Variants in DNAJC7 observed in about 807,000 individuals in gnomAD.
DNAJC7 encodes dnaJ homolog subfamily C member 7.
In DNAJC7, 18 loss-of-function variants were observed where a neutral mutation model predicts 67.4. The ratio of observed to expected loss-of-function variants is 0.27; its 90% CI spans 0.18 to 0.40. DNAJC7 has a LOEUF of 0.40. Ranked by LOEUF, DNAJC7 falls within the 10% of genes least tolerant of loss-of-function variation. The pLI, the probability that DNAJC7 is intolerant of heterozygous loss-of-function variation, is 1.00. For missense variants in DNAJC7, 419 were observed against 613.8 expected, an observed-to-expected ratio of 0.68 and a Z score of 3.35; for synonymous variants, 220 against 207.8, an observed-to-expected ratio of 1.06 and a Z score of -0.50.
chr17:41,995,236 C>T (rs1376128847), intron 4 of DNAJC7, among the ~76,000 whole-genome samples: 2 of 152,178 alleles, frequency 1.3e-5, no homozygotes, highest in African/African-American at 2.4e-5. Flanking sequence ...ATCAGAACCA[C>T]AGACATTTCA....
intron 1 of DNAJC7, 46 bp downstream of exon 1, chr17:42,017,294 C>T (rs782687357): frequency 1.9e-5 from 30 of 1,608,884 alleles, no homozygotes; most frequent in Middle Eastern, 1.6e-4. Flanking sequence ...TTCCCTGAGC[C>T]ACGGAGCTGC....
intron 5 of DNAJC7, among the ~76,000 whole-genome samples, chr17:41,994,445 C>T (rs1260036316): frequency 4.2e-5 from 6 of 141,644 alleles, no homozygotes; most frequent in Admixed American, 7.5e-5. Context: ...GCAGGATAAT[C>T]GTTTGAACCC....
chr17:41,996,536 TC>T, intron 3 of DNAJC7, 112 bp from the exon 4 acceptor site: 1 of 853,060 alleles, frequency 1.2e-6, no homozygotes, highest in South Asian at 1.7e-5. Flanking sequence ...GCGCGGTGAC[TC>T]ACACCTGTAA....
intron 9 of DNAJC7, chr17:41,985,676 G>A (rs2051356382): frequency 6.6e-6 from 1 of 152,232 alleles, no homozygotes; most frequent in African/African-American, 2.4e-5. Flanking sequence ...GGCATGTGTA[G>A]CAAAGATGTG....
chr17:41,991,682 G>T (rs1482304457), intron 5 of DNAJC7, among the ~76,000 whole-genome samples: 2 of 152,098 alleles, frequency 1.3e-5, no homozygotes, highest in African/African-American at 2.4e-5. Context: ...TCTAACTTTT[G>T]TTTGTTTTGT....
chr17:42,006,320 ATT>A (rs568818722), intron 1 of DNAJC7, among the ~76,000 whole-genome samples: 2 of 144,284 alleles, frequency 1.4e-5, no homozygotes, highest in Non-Finnish European at 1.5e-5. Flanking sequence ...CGCCTGGCCA[ATT>A]TTTTTTTTTT....
chr17:41,985,355 GAAGT>G lies in DNAJC7; in HGVS notation c.1011-1723_1011-1720del, dbSNP rs1391567683. ...TGTACAGAATAAAATGTAATAATTT[GAAGT>G]AAGAGAAATGATACTTTGATACTGC... On this transcript the variant is annotated intron_variant, in intron 9 of 13. Coordinates refer to ENST00000457167, the MANE Select transcript of DNAJC7 (RefSeq NM_003315.4). 8 of 151,334 alleles carry G rather than the reference GAAGT, an allele frequency of 5.3e-5. No homozygotes were observed. The East Asian group carries it at 1.6e-3, about 29-fold the overall frequency. The allele number at this position is 151,334 out of a possible 1,614,324, so 9.4% of individuals were successfully genotyped here. A position where few individuals can be genotyped will look rare whatever the true frequency, so the allele number is the denominator to read the frequency against.
At chr17:41,977,164 G>T in intron 13 of DNAJC7, 97 bp downstream of exon 13, 1 of 1,248,326 alleles carries the variant, frequency 8.0e-7, no homozygotes, top group Non-Finnish European at 1.1e-6. Flanking sequence ...AGCTGCCCCC[G>T]CTCATGGGCC....
intron 12 of DNAJC7, among the ~76,000 whole-genome samples, chr17:41,981,236 G>A (rs1045049664): frequency 1.3e-5 from 2 of 150,842 alleles, no homozygotes; most frequent in South Asian, 2.1e-4. Context: ...TTGCTCTGTC[G>A]CCCAGGATGG....
chr17:42,014,139 T>G (rs1367698902), intron 1 of DNAJC7: 1 of 151,892 alleles, frequency 6.6e-6, no homozygotes, highest in Non-Finnish European at 1.5e-5. Flanking sequence ...GGCAAAAAGT[T>G]AAACTGATTT....
chr17:42,005,187 G>A (rs2051914440), intron 1 of DNAJC7, among the ~76,000 whole-genome samples: 1 of 152,182 alleles, frequency 6.6e-6, no homozygotes, highest in Admixed American at 6.5e-5. Context: ...AACAAACACT[G>A]CTAAGGGAAT....
At chr17:42,005,960 T>G (rs1555650153) in intron 1 of DNAJC7, among the ~76,000 whole-genome samples, 2 of 150,620 alleles carry the variant, frequency 1.3e-5, no homozygotes, top group African/African-American at 2.4e-5. Context: ...TTTTTTTATT[T>G]TTTGAGACAC....
chr17:41,997,559 T>C (rs1334366280), intron 2 of DNAJC7, among the ~76,000 whole-genome samples: 1 of 152,154 alleles, frequency 6.6e-6, no homozygotes, highest in Non-Finnish European at 1.5e-5. Flanking sequence ...AGCACATCAC[T>C]GCACTCCAGC....
rs1555646028 is a variant in DNAJC7, at chr17:41,981,911, T to A, written c.1328A>T (p.Lys443Ile). The A allele has an allele frequency of 6.2e-7, 1 of 1,613,998 alleles. No individual in the cohort carries two copies. Among genetic ancestry groups the A allele is most frequent in the Non-Finnish European group, 8.5e-7 (1 of 1,179,890 alleles). ...EAFTILSDPK[K>I]KTRYDSGQDL... ...CTGTCCACTGTCATAGCGAGTCTTT[T>A]TCTTGGGATCAGAGAGGATAGTAAA... The change falls in exon 12 of 14, where the codon AAA becomes ATA. Residue 443 changes from lysine (K) to isoleucine (I), a missense_variant. Transcript: ENST00000457167.
intron 1 of DNAJC7, chr17:42,011,362 A>T (rs986659641): frequency 1.3e-5 from 2 of 152,092 alleles, no homozygotes; most frequent in East Asian, 3.9e-4. Flanking sequence ...AGTGGACTGG[A>T]CTCTAAGCAA....
intron 9 of DNAJC7, among the ~76,000 whole-genome samples, chr17:41,986,530 CTTTTTTT>C (rs74268062): frequency 1.1e-4 from 14 of 128,700 alleles, no homozygotes; most frequent in African/African-American, 3.6e-4. Context: ...CTCCCCCCGC[CTTTTTTT>C]TTTTTTTTTT....
intron 1 of DNAJC7, chr17:42,001,192 G>A (rs537904764): frequency 6.6e-6 from 1 of 152,366 alleles, no homozygotes; most frequent in Admixed American, 6.5e-5. Flanking sequence ...GGACATATGA[G>A]GTACAGGATG....
rs144785789 is a variant in DNAJC7, at chr17:41,983,482, T to C, written c.1084+81A>G. On this transcript the variant is annotated intron_variant, in intron 10 of 13. Transcript: ENST00000457167. Reference sequence around the variant, plus strand: ...AAGTTCTAGGTAGATCCCTGATCCCTGAATCAAACTACCTTGTGTACAGAT... The same window carrying C: ...AAGTTCTAGGTAGATCCCTGATCCCCGAATCAAACTACCTTGTGTACAGAT... The C allele has an allele frequency of 8.6e-6, 11 of 1,279,412 alleles. No homozygotes were observed. The African/African-American group carries it at 1.0e-4, about 12-fold the overall frequency. The allele number at this position is 1,279,412 out of a possible 1,614,324, so 79.3% of individuals were successfully genotyped here.
At chr17:41,984,311 T>G (rs1464267344) in intron 9 of DNAJC7, 1 of 149,510 alleles carries the variant, frequency 6.7e-6, no homozygotes, top group Non-Finnish European at 1.5e-5. Context: ...TTTTTTTTTT[T>G]TTTTTTTTTT....
Sources: gnomAD v4.1 joint callset for allele counts (sites outside exome capture counted in the v4.1 genomes callset) on GRCh38, gnomAD v4.1.1 for gene constraint, MANE v1.5 for transcripts, NCBI Gene and HGNC (gene_info 2026-07-23, HGNC 2026-07-21) for gene names.